VPS45: variants seen among roughly 807,000 people sequenced by gnomAD.
The protein encoded by VPS45 is vacuolar protein sorting 45 homolog.
In VPS45, 35 loss-of-function variants were observed where a neutral mutation model predicts 75.9. The observed-to-expected ratio is 0.46, with a 90% confidence interval of 0.35 to 0.61. The LOEUF is 0.61. Ranked by LOEUF, VPS45 falls within the 20% of genes least tolerant of loss-of-function variation. The probability of loss-of-function intolerance (pLI) is 0.00; values close to 1 mark genes in which losing one functional copy is unlikely to be tolerated. For synonymous variants in VPS45, 220 were observed against 238.2 expected (o/e 0.92, Z 0.70); for missense variants, 559 against 685.9 (o/e 0.81, Z 2.07).
chr1:150,131,718 C>G (rs587755034), intron 14 of VPS45, among the ~76,000 whole-genome samples: 5 of 150,748 alleles, frequency 3.3e-5, no homozygotes, highest in African/African-American at 1.2e-4. Flanking sequence ...TGATGGCATG[C>G]ACCTGTAGTC....
At chr1:150,110,737 T>G in intron 14 of VPS45, 110 bp downstream of exon 14, 1 of 1,080,362 alleles carries the variant, frequency 9.3e-7, no homozygotes, top group Non-Finnish European at 1.3e-6. Context: ...TGCTGTAGAC[T>G]GAAATTCTCT....
Position 150,110,621 on chromosome 1 carries a change from C to G in VPS45, c.1619C>G (p.Thr540Arg). The change falls in exon 14 of 15, where the codon ACG becomes AGG. Residue 540 changes from threonine to arginine, a missense_variant. Physicochemically the swap from Thr to Arg is moderately conservative, Grantham distance 71. Coordinates refer to ENST00000644510, the MANE Select transcript of VPS45 (RefSeq NM_007259.5). ...IVLGGTTVHN[T>R]KSFLEEVLAS... ...CTGGGAGGCACCACAGTGCACAACA[C>G]GAAAAGGTAAAAGAGAACATTCATT... 6.2e-7 allele frequency: 1 copy of G among 1,607,338 alleles called. No individual in the cohort carries two copies. The highest frequency in any genetic ancestry group is 8.5e-7 in the Non-Finnish European group (1 of 1,176,530).
intron 13 of VPS45, among the ~76,000 whole-genome samples, chr1:150,102,216 C>CAAT: frequency 1.6e-5 from 2 of 123,722 alleles, no homozygotes; most frequent in African/African-American, 3.2e-5. Flanking sequence ...CCAGCCTGGG[C>CAAT]GACAGAGTGA....
intron 10 of VPS45, among the ~76,000 whole-genome samples, chr1:150,084,995 CTTA>C (rs1428292354): frequency 6.8e-4 from 103 of 152,132 alleles, no homozygotes; most frequent in Middle Eastern, 3.4e-3. Flanking sequence ...TTTACTGGGA[CTTA>C]TTGTTGTTGG....
intron 2 of VPS45, among the ~76,000 whole-genome samples, chr1:150,070,802 C>T (rs1001164819): frequency 1.3e-5 from 2 of 151,612 alleles, no homozygotes; most frequent in Admixed American, 6.6e-5. Context: ...AGCAAGACTC[C>T]GTCTCAAAAA....
chr1:150,112,319 C>T (rs587697130), intron 14 of VPS45, among the ~76,000 whole-genome samples: 2 of 152,060 alleles, frequency 1.3e-5, no homozygotes, highest in Admixed American at 6.5e-5. Flanking sequence ...TATATGGTCA[C>T]AGTTACCTGT....
chr1:150,091,604 T>C (rs1385178909), intron 10 of VPS45, among the ~76,000 whole-genome samples: 2 of 152,230 alleles, frequency 1.3e-5, no homozygotes, highest in African/African-American at 4.8e-5. Context: ...GTCAGTTTTG[T>C]TGTGCCGTAT....
chr1:150,081,167 A>G (rs1230583107), intron 7 of VPS45, among the ~76,000 whole-genome samples, 175 bp from the exon 8 acceptor site: 2 of 152,214 alleles, frequency 1.3e-5, no homozygotes, highest in Admixed American at 6.5e-5. Context: ...GTGTTTAATC[A>G]ATTAAAATGA....
intron 14 of VPS45, among the ~76,000 whole-genome samples, chr1:150,115,317 T>C (rs1319117502): frequency 6.6e-6 from 1 of 152,220 alleles, no homozygotes; most frequent in Non-Finnish European, 1.5e-5. Context: ...CTAATCTATG[T>C]TTAATTTGTC....
chr1:150,144,852 CCTA>C lies in VPS45; in HGVS notation c.*60_*62del, dbSNP rs1229090543. 1 of 1,611,176 alleles carries C rather than the reference CCTA, an allele frequency of 6.2e-7. No homozygotes were observed. Among genetic ancestry groups the C allele is most frequent in the Non-Finnish European group, 8.5e-7 (1 of 1,179,048 alleles). On this transcript the variant is annotated 3_prime_UTR_variant, in exon 15 of 15. Transcript: ENST00000644510. ...TCTCTTGTCCCCACTACAGGTTTTCCCTACTAAACAAAGGTGTTGGAGAGCAGC... is the reference window on the plus strand; with the variant it reads ...TCTCTTGTCCCCACTACAGGTTTTCCCTAAACAAAGGTGTTGGAGAGCAGC...
At chr1:150,108,140 G>A (rs1284289545) in intron 13 of VPS45, among the ~76,000 whole-genome samples, 1 of 152,164 alleles carries the variant, frequency 6.6e-6, no homozygotes, top group African/African-American at 2.4e-5. Context: ...GGGAAGATTG[G>A]GGATTTAAAA....
intron 13 of VPS45, chr1:150,109,482 C>G (rs1371705443): frequency 6.6e-6 from 1 of 151,770 alleles, no homozygotes; most frequent in African/African-American, 2.4e-5. Flanking sequence ...GAGAGAGAGA[C>G]AAGCAGGAAG....
chr1:150,068,120 A>G (rs1654828132), intron 1 of VPS45, 170 bp downstream of exon 1: 1 of 644,632 alleles, frequency 1.6e-6, no homozygotes, highest in South Asian at 2.0e-5. Flanking sequence ...TTTTCAGTCT[A>G]CATGGCTCCA....
At chr1:150,067,696 C>T, upstream of VPS45, 1 of 676,028 alleles carries the variant, frequency 1.5e-6, no homozygotes, top group Non-Finnish European at 2.6e-6. Flanking sequence ...GTCCCCTGTA[C>T]ACTCCAGCGG....
intron 14 of VPS45, among the ~76,000 whole-genome samples, chr1:150,139,763 C>A (rs924749488): frequency 3.9e-5 from 6 of 152,128 alleles, no homozygotes; most frequent in African/African-American, 1.4e-4. Flanking sequence ...GTTGTCCAGG[C>A]TGGTCTTGAA....
At chr1:150,074,994 C>CT (rs1491264513) in intron 3 of VPS45, among the ~76,000 whole-genome samples, 1 of 132,354 alleles carries the variant, frequency 7.6e-6, no homozygotes, top group African/African-American at 3.2e-5. Flanking sequence ...CACAGTCTCC[C>CT]TCTGTCACCC....
intron 13 of VPS45, 126 bp from the exon 14 acceptor site, chr1:150,110,370 C>T: frequency 2.1e-6 from 2 of 935,596 alleles, no homozygotes; most frequent in Non-Finnish European, 1.5e-6. Flanking sequence ...ACCTTTTATT[C>T]TATTCTGCTT....
chr1:150,082,921 C>T lies in VPS45; in HGVS notation c.1104+38C>T, dbSNP rs185160316. The T allele has an allele frequency of 1.2e-5, 19 of 1,586,902 alleles. No homozygotes were observed. The Admixed American group carries it at 2.9e-4, about 24-fold the overall frequency. ...TGATGAGCACCTACTATGTGTAAGG[C>T]ACTGTGCCAGGCAGAGCAAGAGATA... On this transcript the variant is annotated intron_variant, in intron 10 of 14. Transcript: ENST00000644510.
At chr1:150,138,587 C>T (rs942509581) in intron 14 of VPS45, among the ~76,000 whole-genome samples, 1 of 152,132 alleles carries the variant, frequency 6.6e-6, no homozygotes, top group Admixed American at 6.5e-5. Flanking sequence ...AGCAACATTC[C>T]TGGCCTATAC....
Sources: gnomAD v4.1 joint callset for allele counts (sites outside exome capture counted in the v4.1 genomes callset) on GRCh38, gnomAD v4.1.1 for gene constraint, MANE v1.5 for transcripts, NCBI Gene and HGNC (gene_info 2026-07-23, HGNC 2026-07-21) for gene names.